The following KCTD9 variants were observed in gnomAD, a reference collection of about 807,000 sequenced individuals.
KCTD9 encodes the protein BTB/POZ domain-containing protein KCTD9.
A neutral mutation model predicts 53.3 loss-of-function variants in KCTD9; 17 were observed. The observed-to-expected ratio is 0.32, with a 90% CI of 0.22 to 0.48. The LOEUF (loss-of-function observed/expected upper bound fraction) is 0.48. KCTD9 is among the 20% of genes least tolerant of loss of function. The probability of loss-of-function intolerance (pLI) is 0.99; values close to 1 mark genes in which losing one functional copy is unlikely to be tolerated. For missense variants in KCTD9, 179 were observed against 465.5 expected, an observed-to-expected ratio of 0.38 and a Z score of 5.66; for synonymous variants, 128 against 162.7, an observed-to-expected ratio of 0.79 and a Z score of 1.62.
rs147018492 is a variant in KCTD9 at position 25,449,446 on chromosome 8, C to T, written c.49-3196G>A. Among the ~76,000 whole-genome samples the T allele has an allele frequency of 8.5e-5, 13 of 152,284 alleles. No homozygotes were observed. The East Asian group carries it at 2.5e-3, about 29-fold the overall frequency. The stretch of plus-strand genomic sequence containing the variant: ...AAAAAATAGATGCAAGTTGAATGCA[C>T]CTGCCTGTATTATGCTTAATACTTA... On this transcript the variant is annotated intron_variant, in intron 1 of 11. Coordinates refer to ENST00000221200, the MANE Select transcript of KCTD9 (RefSeq NM_017634.4).
intron 1 of KCTD9, among the ~76,000 whole-genome samples, chr8:25,456,071 G>C (rs370344136): frequency 2.0e-5 from 3 of 152,082 alleles, no homozygotes; most frequent in Non-Finnish European, 2.9e-5. Context: ...AATTCCTGGC[G>C]AGCATATAAC....
intron 1 of KCTD9, among the ~76,000 whole-genome samples, chr8:25,447,823 A>C (rs913311669): frequency 6.6e-6 from 1 of 152,164 alleles, no homozygotes; most frequent in African/African-American, 2.4e-5. Flanking sequence ...ATGGAATATT[A>C]TTCAGCAATA....
chr8:25,452,959 G>A (rs1802355929), intron 1 of KCTD9, among the ~76,000 whole-genome samples: 1 of 152,126 alleles, frequency 6.6e-6, no homozygotes, highest in Non-Finnish European at 1.5e-5. Flanking sequence ...TTGAGGCCAG[G>A]AGTTTGAGAC....
intron 11 of KCTD9, 114 bp downstream of exon 11, chr8:25,432,390 G>C: frequency 2.3e-6 from 2 of 861,880 alleles, no homozygotes; most frequent in South Asian, 3.2e-5. Flanking sequence ...TGTCAGATGA[G>C]TCTTCCAATC....
chr8:25,442,667 G>A (rs948398516), intron 3 of KCTD9, among the ~76,000 whole-genome samples: 8 of 152,140 alleles, frequency 5.3e-5, no homozygotes, highest in South Asian at 2.1e-4. Flanking sequence ...GTAAGTGTAC[G>A]CTTGAAGAAG....
At chr8:25,435,768 C>T (rs930008608) in intron 8 of KCTD9, among the ~76,000 whole-genome samples, 1 of 152,116 alleles carries the variant, frequency 6.6e-6, no homozygotes, top group African/African-American at 2.4e-5. Flanking sequence ...GTAGAAGCTT[C>T]TAAAGAGGGA....
intron 9 of KCTD9, 151 bp from the exon 10 acceptor site, chr8:25,433,586 T>G: frequency 2.3e-6 from 1 of 436,392 alleles, no homozygotes; most frequent in Admixed American, 4.1e-5. Context: ...TAAAGGCTTT[T>G]CTAATTAAAT....
At chr8:25,438,664 C>T (rs1052303576) in intron 6 of KCTD9, among the ~76,000 whole-genome samples, 1 of 152,188 alleles carries the variant, frequency 6.6e-6, no homozygotes, top group Non-Finnish European at 1.5e-5. Context: ...TATTAGCTTC[C>T]AAATATGCAA....
intron 4 of KCTD9, 159 bp downstream of exon 4, chr8:25,440,417 GT>G (rs758971175): frequency 3.9e-5 from 23 of 587,334 alleles, no homozygotes; most frequent in East Asian, 3.4e-4. Flanking sequence ...AGTGAACCAT[GT>G]TTTTTTCTTC....
intron 6 of KCTD9, among the ~76,000 whole-genome samples, chr8:25,438,073 G>C (rs921711648): frequency 1.3e-5 from 2 of 151,918 alleles, no homozygotes; most frequent in Non-Finnish European, 2.9e-5. Context: ...TTGAACACTT[G>C]AACAAATAAA....
intron 3 of KCTD9, among the ~76,000 whole-genome samples, chr8:25,441,507 G>A (rs530293091): frequency 6.6e-6 from 1 of 152,104 alleles, no homozygotes; most frequent in African/African-American, 2.4e-5. Context: ...GCTAAAAGAA[G>A]TTTATACAAG....
At chr8:25,442,533 G>T (rs1252632042) in intron 3 of KCTD9, among the ~76,000 whole-genome samples, 1 of 152,142 alleles carries the variant, frequency 6.6e-6, no homozygotes, top group African/African-American at 2.4e-5. Flanking sequence ...TAAAGATGGT[G>T]GATGGCAATG....
chr8:25,432,767 C>T lies in KCTD9; in HGVS notation c.920-130G>A, dbSNP rs780514316. On this transcript the variant is annotated intron_variant, in intron 10 of 11. Coordinates refer to ENST00000221200, the MANE Select transcript of KCTD9 (RefSeq NM_017634.4). ...ATTAATCTAAAATCTTGTCTCTCAA[C>T]GAACTTATATATATAAACAGTTTAC... 2.1e-5 allele frequency: 16 copies of T among 749,332 alleles called. No individual in the cohort carries two copies. In the East Asian group the frequency reaches 3.6e-4, roughly 17 times the overall value. 46.4% of individuals were successfully genotyped at this position (749,332 alleles called of 1,614,324 possible). A position where few individuals can be genotyped will look rare whatever the true frequency, so the allele number is the denominator to read the frequency against.
At chr8:25,436,971 A>T (rs1467279163) in intron 6 of KCTD9, among the ~76,000 whole-genome samples, 5 of 152,242 alleles carry the variant, frequency 3.3e-5, no homozygotes, top group African/African-American at 9.6e-5. Context: ...GGAATTACAA[A>T]GAAAGTATCA....
At chr8:25,434,117 T>C (rs959460715) in intron 9 of KCTD9, among the ~76,000 whole-genome samples, 4 of 152,218 alleles carry the variant, frequency 2.6e-5, no homozygotes, top group African/African-American at 9.6e-5. Flanking sequence ...TTGTTTTGTT[T>C]GAGACAAAGT....
At chr8:25,453,356 CA>C (rs1246429673) in intron 1 of KCTD9, among the ~76,000 whole-genome samples, 58 of 135,536 alleles carry the variant, frequency 4.3e-4, no homozygotes, top group Middle Eastern at 4.1e-3. Context: ...GACTCTGTCT[CA>C]AAAAAAAAAA....
intron 1 of KCTD9, 27 bp from the exon 2 acceptor site, chr8:25,446,277 C>A (rs988026630): frequency 3.1e-6 from 5 of 1,610,024 alleles, no homozygotes; most frequent in Non-Finnish European, 4.2e-6. Context: ...ATAATATGAA[C>A]AATTTCTTTA....
chr8:25,444,395 G>C (rs979692967), intron 2 of KCTD9, 60 bp from the exon 3 acceptor site: 1 of 1,460,162 alleles, frequency 6.8e-7, no homozygotes, highest in Admixed American at 1.8e-5. Context: ...TTAATTATCT[G>C]TTGCTTATAG....
chr8:25,444,003 A>C (rs1225282337), intron 3 of KCTD9, among the ~76,000 whole-genome samples: 1 of 152,152 alleles, frequency 6.6e-6, no homozygotes, highest in Admixed American at 6.5e-5. Context: ...TTTTCAAACA[A>C]AACAATTGTT....
Sources: allele counts gnomAD v4.1 joint callset (sites outside exome capture counted in the v4.1 genomes callset), GRCh38; gene constraint gnomAD v4.1.1; transcripts MANE v1.5; gene names NCBI Gene and HGNC (gene_info 2026-07-23, HGNC 2026-07-21).